The following CSMD1 variants were observed in gnomAD, a reference collection of about 807,000 sequenced individuals.
CSMD1 encodes CUB and Sushi multiple domains 1.
In CSMD1, 213 loss-of-function variants were observed where a neutral mutation model predicts 417.5. The ratio of observed to expected loss-of-function variants is 0.51; its 90% CI spans 0.46 to 0.57. The LOEUF (loss-of-function observed/expected upper bound fraction) is 0.57, where lower values mean the gene tolerates loss of function less well. Ranked by LOEUF, CSMD1 falls within the 20% of genes least tolerant of loss-of-function variation. The pLI, the probability that CSMD1 is intolerant of heterozygous loss-of-function variation, is 0.00. For synonymous variants in CSMD1, 2,862 were observed against 1,736.8 expected, an observed-to-expected ratio of 1.65 and a Z score of -16.11; for missense variants, 6,923 against 4,529.7, an observed-to-expected ratio of 1.53 and a Z score of -15.17.
chr8:4,768,588 G>C (rs1432750615), intron 1 of CSMD1, among the ~76,000 whole-genome samples: 2 of 152,156 alleles, frequency 1.3e-5, no homozygotes, highest in Non-Finnish European at 2.9e-5. Flanking sequence ...GCTCAGAGCT[G>C]TTTCTGATTT....
At chr8:3,635,958 A>G (rs1175487995) in intron 7 of CSMD1, among the ~76,000 whole-genome samples, 1 of 152,124 alleles carries the variant, frequency 6.6e-6, no homozygotes, top group Non-Finnish European at 1.5e-5. Flanking sequence ...ATAAACTTCT[A>G]TTTAGCTTTT....
intron 26 of CSMD1, among the ~76,000 whole-genome samples, chr8:3,244,629 G>A (rs1799761389): frequency 1.3e-5 from 2 of 152,186 alleles, no homozygotes; most frequent in African/African-American, 4.8e-5. Context: ...CAGCCAGGGT[G>A]AAACATTTTG....
chr8:4,718,325 T>C (rs1003246063), intron 1 of CSMD1, among the ~76,000 whole-genome samples: 1 of 152,186 alleles, frequency 6.6e-6, no homozygotes, highest in Non-Finnish European at 1.5e-5. Flanking sequence ...ATTTCTTATA[T>C]TAACAATCAA....
chr8:4,445,787 G>A (rs1249747854), intron 2 of CSMD1, among the ~76,000 whole-genome samples: 1 of 152,194 alleles, frequency 6.6e-6, no homozygotes, highest in Non-Finnish European at 1.5e-5. Flanking sequence ...TCACAGAAAT[G>A]TGTCAGAAAT....
At chr8:4,217,123 T>A (rs919059233) in intron 3 of CSMD1, among the ~76,000 whole-genome samples, 4 of 152,222 alleles carry the variant, frequency 2.6e-5, no homozygotes, top group Non-Finnish European at 5.9e-5. Context: ...GTAGTGCTAG[T>A]CTACATAGTA....
chr8:4,607,870 A>T (rs917464671), intron 2 of CSMD1, among the ~76,000 whole-genome samples: 4 of 151,858 alleles, frequency 2.6e-5, no homozygotes, highest in Non-Finnish European at 2.9e-5. Flanking sequence ...CTATTTTCTG[A>T]CTCTTCCTTG....
intron 1 of CSMD1, among the ~76,000 whole-genome samples, chr8:4,952,285 A>C (rs1585396234): frequency 6.6e-6 from 1 of 151,992 alleles, no homozygotes; most frequent in East Asian, 1.9e-4. Flanking sequence ...AAAACGCAAC[A>C]AATATTATAA....
chr8:4,650,693 G>C (rs1803841334), intron 1 of CSMD1, among the ~76,000 whole-genome samples: 1 of 151,708 alleles, frequency 6.6e-6, no homozygotes, highest in African/African-American at 2.4e-5. Context: ...TTGATTCTGT[G>C]TGTGATTTTA....
intron 11 of CSMD1, among the ~76,000 whole-genome samples, chr8:3,489,482 A>G (rs1327203239): frequency 6.6e-6 from 1 of 152,202 alleles, no homozygotes; most frequent in Admixed American, 6.5e-5. Flanking sequence ...GGAAGGCCAT[A>G]GCTCTCCATG....
chr8:4,392,985 CAA>C (rs1192700337), intron 3 of CSMD1, among the ~76,000 whole-genome samples: 2 of 151,642 alleles, frequency 1.3e-5, no homozygotes, highest in South Asian at 4.2e-4. Flanking sequence ...AAAAAACAAA[CAA>C]AAAAGAGAGA....
At chr8:3,468,932 G>A (rs1413285818) in intron 11 of CSMD1, 108 bp from the exon 12 acceptor site, 2 of 644,270 alleles carry the variant, frequency 3.1e-6, no homozygotes, top group South Asian at 3.8e-5. Flanking sequence ...TAGATATATA[G>A]GTAGCAAGAC....
intron 3 of CSMD1, among the ~76,000 whole-genome samples, chr8:4,372,762 C>G (rs889503581): frequency 4.0e-5 from 6 of 150,556 alleles, no homozygotes; most frequent in Non-Finnish European, 5.9e-5. Context: ...AAAAAAGTAG[C>G]ATTGGATAAC....
chr8:4,375,264 A>C (rs1236574388), intron 3 of CSMD1, among the ~76,000 whole-genome samples: 1 of 152,168 alleles, frequency 6.6e-6, no homozygotes, highest in Non-Finnish European at 1.5e-5. Context: ...GTTGTCCATA[A>C]ACAGACTTCA....
chr8:4,144,940 A>C (rs1804020158), intron 3 of CSMD1, among the ~76,000 whole-genome samples: 1 of 151,104 alleles, frequency 6.6e-6, no homozygotes, highest in Admixed American at 6.6e-5. Context: ...GAGACCCCAG[A>C]AATCATTTCT....
At chr8:4,121,132 T>C (rs1159894123) in intron 3 of CSMD1, among the ~76,000 whole-genome samples, 2 of 152,184 alleles carry the variant, frequency 1.3e-5, no homozygotes, top group Admixed American at 6.5e-5. Context: ...TTATTTATTT[T>C]TGGGCAGAGT....
intron 1 of CSMD1, among the ~76,000 whole-genome samples, chr8:4,929,124 G>A (rs1185765661): frequency 1.3e-5 from 2 of 152,112 alleles, no homozygotes; most frequent in East Asian, 3.9e-4. Context: ...TCCCACTGGT[G>A]TCTTTATAAA....
At chr8:3,779,731 A>C (rs988513578) in intron 5 of CSMD1, among the ~76,000 whole-genome samples, 1 of 152,224 alleles carries the variant, frequency 6.6e-6, no homozygotes, top group African/African-American at 2.4e-5. Flanking sequence ...GCAGAACATA[A>C]AATTATATTT....
intron 5 of CSMD1, among the ~76,000 whole-genome samples, chr8:3,937,825 T>C (rs919155883): frequency 6.6e-6 from 1 of 152,136 alleles, no homozygotes; most frequent in Admixed American, 6.6e-5. Flanking sequence ...ACACAGGAAA[T>C]TTTATGATTT....
intron 3 of CSMD1, among the ~76,000 whole-genome samples, chr8:4,283,411 A>G (rs1245664733): frequency 2.0e-5 from 3 of 152,306 alleles, no homozygotes; most frequent in South Asian, 4.1e-4. Flanking sequence ...TTCTAAGAAC[A>G]CATTCTTTTC....
Sources: allele counts gnomAD v4.1 joint callset (sites outside exome capture counted in the v4.1 genomes callset), GRCh38; gene constraint gnomAD v4.1.1; transcripts MANE v1.5; gene names NCBI Gene and HGNC (gene_info 2026-07-23, HGNC 2026-07-21).